SYT1: variants seen among roughly 807,000 people sequenced by gnomAD.
The protein encoded by SYT1 is synaptotagmin-1.
SYT1 carries 8 observed loss-of-function variants against 44.8 expected under a neutral mutation model. The observed-to-expected ratio is 0.18, with a 90% CI of 0.10 to 0.32. The LOEUF is 0.32. SYT1 is among the 10% of genes least tolerant of loss of function. The pLI is 1.00. For synonymous variants in SYT1, 154 were observed against 188.8 expected, an observed-to-expected ratio of 0.82 and a Z score of 1.51; for missense variants, 286 against 509.3, an observed-to-expected ratio of 0.56 and a Z score of 4.22.
intron 1 of SYT1, among the ~76,000 whole-genome samples, chr12:78,921,261 C>T (rs576459758): frequency 2.0e-5 from 3 of 151,988 alleles, no homozygotes; most frequent in African/African-American, 7.2e-5. Context: ...TTTTAAATTA[C>T]TTCTTCCTCA....
chr12:79,405,825 C>T (rs745651783), intron 9 of SYT1, among the ~76,000 whole-genome samples: 5 of 152,030 alleles, frequency 3.3e-5, no homozygotes, highest in Non-Finnish European at 4.4e-5. Context: ...TGATTGTCTC[C>T]TCATGGTGCA....
intron 1 of SYT1, among the ~76,000 whole-genome samples, chr12:78,939,098 C>T (rs1408241210): frequency 6.6e-6 from 1 of 152,056 alleles, no homozygotes; most frequent in African/African-American, 2.4e-5. Flanking sequence ...GCCCAAGTTC[C>T]TACTGCAGAT....
At position 79,217,458 on chromosome 12, in the gene SYT1, T is replaced by G. The variant is rs142385402; in HGVS notation, c.-17-45T>G. On this transcript the variant is annotated intron_variant, in intron 3 of 10. Coordinates refer to ENST00000261205, the MANE Select transcript of SYT1 (RefSeq NM_005639.3). ...GGGATACCTTTGATGTGGGAGCAGT[T>G]AAGCCATTTTGAATTGTTCTGTCTT... 106 of 1,461,868 alleles carry G rather than the reference T, an allele frequency of 7.3e-5. No homozygotes were observed. In the Admixed American group the frequency reaches 7.3e-4, roughly 10 times the overall value. The allele number at this position is 1,461,868 out of a possible 1,614,324, so 90.6% of individuals were successfully genotyped here.
At chr12:79,084,529 G>T (rs1877251871) in intron 3 of SYT1, among the ~76,000 whole-genome samples, 1 of 152,034 alleles carries the variant, frequency 6.6e-6, no homozygotes, top group Admixed American at 6.6e-5. Flanking sequence ...GTCCATATCT[G>T]ACTGCTGCAC....
At chr12:79,347,000 T>C (rs1051944186) in intron 8 of SYT1, among the ~76,000 whole-genome samples, 2 of 151,832 alleles carry the variant, frequency 1.3e-5, no homozygotes. Context: ...TGGGCTAGAA[T>C]AGTAAGGAGG....
intron 3 of SYT1, among the ~76,000 whole-genome samples, chr12:79,122,513 C>CAAGAAAAAAA (rs1868291194): frequency 1.5e-5 from 1 of 65,038 alleles, no homozygotes; most frequent in Non-Finnish European, 2.5e-5. Flanking sequence ...GACTCCGTCT[C>CAAGAAAAAAA]AAAAAAAAAA....
chr12:78,897,680 G>A (rs1378958741), intron 1 of SYT1, among the ~76,000 whole-genome samples: 1 of 151,954 alleles, frequency 6.6e-6, no homozygotes, highest in African/African-American at 2.4e-5. Context: ...CCTATGCTAG[G>A]GCTTTACATC....
chr12:78,929,527 T>C (rs1356371999), intron 1 of SYT1, among the ~76,000 whole-genome samples: 2 of 150,448 alleles, frequency 1.3e-5, no homozygotes, highest in African/African-American at 2.4e-5. Flanking sequence ...ACAATTTATG[T>C]AGTGTTTGAA....
At chr12:79,258,026 G>GA (rs994955365) in intron 4 of SYT1, among the ~76,000 whole-genome samples, 7 of 151,686 alleles carry the variant, frequency 4.6e-5, no homozygotes, top group Admixed American at 2.6e-4. Flanking sequence ...ACTAAAAGAA[G>GA]AAAAAAAATC....
chr12:78,940,601 C>G (rs1878297627), intron 1 of SYT1, among the ~76,000 whole-genome samples: 1 of 151,936 alleles, frequency 6.6e-6, no homozygotes, highest in Non-Finnish European at 1.5e-5. Context: ...GTTGCTCAGG[C>G]TGGTCTTGAA....
In SYT1 at chr12:79,003,484, T is replaced by C. The variant is rs1299203602; in HGVS notation, c.-84+25553T>C. ...GAGTTGTAGCTTATCAAAAGCCTCA[T>C]AAATATGAACAGGCACACACTTAAG... is the stretch of plus-strand genomic sequence containing the variant. On this transcript the variant is annotated intron_variant, in intron 2 of 10. Transcript: ENST00000261205. Among the ~76,000 whole-genome samples the C allele has an allele frequency of 5.3e-5, 8 of 152,050 alleles. No individual in the cohort carries two copies. In the South Asian group the frequency reaches 1.7e-3, roughly 31 times the overall value.
At chr12:78,878,303 A>G (rs1410407386) in intron 1 of SYT1, among the ~76,000 whole-genome samples, 1 of 151,930 alleles carries the variant, frequency 6.6e-6, no homozygotes, top group East Asian at 1.9e-4. Context: ...TTTGTATTCA[A>G]ATTAAGAAAC....
intron 2 of SYT1, among the ~76,000 whole-genome samples, chr12:79,009,464 T>C (rs941768052): frequency 1.3e-5 from 2 of 152,204 alleles, no homozygotes; most frequent in Non-Finnish European, 2.9e-5. Context: ...CATTGGCAAA[T>C]GCAAATCATA....
rs367992412 is a variant in SYT1 at position 79,268,895 on chromosome 12, T to C, written c.167-16892T>C. 4.6e-5 allele frequency among the ~76,000 whole-genome samples: 7 copies of C among 152,148 alleles called. 1 individual carries two copies. Among genetic ancestry groups the C allele is most frequent in the Admixed American group, 3.3e-4 (5 of 15,280 alleles). Reference sequence around the variant, plus strand: ...GTAATCACTGGCTGACAAATTAGATTAAAAGGAGTCTGAAAACCAAAGGAA... The same window carrying C: ...GTAATCACTGGCTGACAAATTAGATCAAAAGGAGTCTGAAAACCAAAGGAA... On this transcript the variant is annotated intron_variant, in intron 4 of 10. Transcript: ENST00000261205.
intron 9 of SYT1, among the ~76,000 whole-genome samples, chr12:79,409,336 A>T (rs1278661371): frequency 6.6e-6 from 1 of 152,122 alleles, no homozygotes; most frequent in African/African-American, 2.4e-5. Context: ...ACTGCCACAC[A>T]CTCACAGACT....
intron 2 of SYT1, among the ~76,000 whole-genome samples, chr12:78,998,411 G>A (rs2137518110): frequency 6.6e-6 from 1 of 152,248 alleles, no homozygotes; most frequent in African/African-American, 2.4e-5. Context: ...GAGCAATGCT[G>A]CTTGCTTTGT....
chr12:79,420,179 A>G (rs1039500621), intron 9 of SYT1, among the ~76,000 whole-genome samples: 1 of 152,072 alleles, frequency 6.6e-6, no homozygotes, highest in African/African-American at 2.4e-5. Flanking sequence ...TAAGAGTGGG[A>G]TTGCTGGAAT....
rs927380170 is a variant in SYT1, at chr12:79,080,332, G to A, written c.-18+32970G>A. Among the ~76,000 whole-genome samples the A allele has an allele frequency of 2.6e-5, 4 of 152,008 alleles. No homozygotes were observed. The South Asian group carries it at 6.2e-4, about 24-fold the overall frequency. On this transcript the variant is annotated intron_variant, in intron 3 of 10. Transcript: ENST00000261205. Reference sequence around the variant, plus strand: ...GGACATCTGGATATTTGACAACCACGAACCTCAATATGATTAACTGAGCAT... The same window carrying A: ...GGACATCTGGATATTTGACAACCACAAACCTCAATATGATTAACTGAGCAT...
chr12:79,298,314 A>T (rs1879972607), intron 7 of SYT1, among the ~76,000 whole-genome samples: 1 of 152,124 alleles, frequency 6.6e-6, no homozygotes, highest in Non-Finnish European at 1.5e-5. Flanking sequence ...CTTTTTAATC[A>T]TATCATTTTA....
Sources: gnomAD v4.1 joint callset for allele counts (sites outside exome capture counted in the v4.1 genomes callset) on GRCh38, gnomAD v4.1.1 for gene constraint, MANE v1.5 for transcripts, NCBI Gene and HGNC (gene_info 2026-07-23, HGNC 2026-07-21) for gene names.